The following ZNF276 variants were observed in gnomAD, a reference collection of about 807,000 sequenced individuals.
The protein encoded by ZNF276 is zinc finger protein 276.
ZNF276 carries 59 observed loss-of-function variants against 63.9 expected under a neutral mutation model. That is an observed-to-expected ratio of 0.92 (90% CI 0.75 to 1.15). ZNF276 has a LOEUF of 1.15. ZNF276 is among the 50% of genes most tolerant of loss of function. The pLI is 0.00. For missense variants in ZNF276, 1,084 were observed against 843.8 expected, an observed-to-expected ratio of 1.28 and a Z score of -3.53; for synonymous variants, 496 against 348.4, an observed-to-expected ratio of 1.42 and a Z score of -4.72.
At position 89,738,216 on chromosome 16, in the gene ZNF276, G is replaced by A. The variant is rs17227424; in HGVS notation, c.1815G>A (p.Glu605=). 5.6e-6 allele frequency: 9 copies of A among 1,609,372 alleles called. No individual in the cohort carries two copies. Among genetic ancestry groups the A allele is most frequent in the Non-Finnish European group, 7.6e-6 (9 of 1,178,276 alleles). Residue 605 remains glutamate (E), a synonymous_variant, in exon 11 of 11, where the codon GAG becomes GAA. Transcript: ENST00000443381. ...CACCGAGCCCCTCTGTGACCACAGA[G>A]GGCCAGGCGGTGAAGCCCGAACCCA... ...PGPPSPSVTT[E]GQAVKPEPT is the part of the protein sequence containing the mutation.
chr16:89,722,000 C>T (rs925219326), intron 1 of ZNF276, among the ~76,000 whole-genome samples, 155 bp downstream of exon 1: 2 of 152,084 alleles, frequency 1.3e-5, no homozygotes, highest in Non-Finnish European at 2.9e-5. Context: ...GCTGGGCGGC[C>T]GGCTCGGTTT....
chr16:89,733,193 A>G (rs2061732405), intron 6 of ZNF276, 109 bp from the exon 7 acceptor site: 1 of 1,043,870 alleles, frequency 9.6e-7, no homozygotes, highest in Non-Finnish European at 1.4e-6. Context: ...TCAGCACAGA[A>G]GCAACTCAGG....
chr16:89,730,015 C>G (rs868785621), intron 6 of ZNF276, among the ~76,000 whole-genome samples: 3 of 152,188 alleles, frequency 2.0e-5, no homozygotes, highest in Non-Finnish European at 2.9e-5. Flanking sequence ...CAGCCCAGAA[C>G]AAAGGTCCAG....
At chr16:89,720,760 C>G, upstream of ZNF276, 4 of 1,447,176 alleles carry the variant, frequency 2.8e-6, no homozygotes, top group Non-Finnish European at 3.6e-6. Flanking sequence ...CGCCCCGCCT[C>G]ACCCGGGGCC....
At chr16:89,733,104 C>G in intron 6 of ZNF276, 198 bp from the exon 7 acceptor site, 1 of 608,032 alleles carries the variant, frequency 1.6e-6, no homozygotes, top group Non-Finnish European at 2.9e-6. Flanking sequence ...CGCCCTTGCC[C>G]TCTGCTGTGC....
rs1423559650 is a variant in ZNF276 at position 89,740,784 on chromosome 16, G to A, written c.*2538G>A. ...GCCCACAGTGGGAGAGGACACCTTG[G>A]CTGGTAAGGTCTGACTTACATTTGA... On this transcript the variant is annotated 3_prime_UTR_variant, in exon 11 of 11. Transcript: ENST00000443381. 3 of 1,610,946 alleles carry A rather than the reference G, an allele frequency of 1.9e-6. No individual in the cohort carries two copies. Among genetic ancestry groups the A allele is most frequent in the Non-Finnish European group, 1.7e-6 (2 of 1,177,736 alleles).
chr16:89,739,868 A>T lies in ZNF276; in HGVS notation c.*1622A>T. On this transcript the variant is annotated 3_prime_UTR_variant, in exon 11 of 11. Coordinates refer to ENST00000443381, the MANE Select transcript of ZNF276 (RefSeq NM_001113525.2). Reference sequence around the variant, plus strand: ...AACAAGTTTGTGCTTAATCTGTCCCAACTAAAATGGAGCTTATAAACTTAC... The same window carrying T: ...AACAAGTTTGTGCTTAATCTGTCCCTACTAAAATGGAGCTTATAAACTTAC... 3 of 1,545,608 alleles carry T rather than the reference A, an allele frequency of 1.9e-6. No homozygotes were observed. The highest frequency in any genetic ancestry group is 2.6e-6 in the Non-Finnish European group (3 of 1,148,368).
intron 1 of ZNF276, 51 bp downstream of exon 1, chr16:89,721,896 C>T (rs917691560): frequency 2.0e-5 from 23 of 1,152,274 alleles, no homozygotes; most frequent in Non-Finnish European, 2.5e-5. Context: ...AGGGGTTGCT[C>T]GTGGGAGGAG....
At chr16:89,736,720 G>C (rs1299137057) in intron 9 of ZNF276, among the ~76,000 whole-genome samples, 1 of 144,294 alleles carries the variant, frequency 6.9e-6, no homozygotes, top group Admixed American at 7.4e-5. Context: ...ACTTAAGCCT[G>C]GGAGTTCCAG....
At position 89,739,097 on chromosome 16, in the gene ZNF276, A is replaced by G. The variant is rs1300386846; in HGVS notation, c.*851A>G. The G allele has an allele frequency of 6.2e-7, 1 of 1,613,514 alleles. No homozygotes were observed. ...GCAGAAGGAGCCTCCGGCTGGGGGGAGCTCCCCTGGAGGTGGGACTGGCCC... is the reference window on the plus strand; with the variant it reads ...GCAGAAGGAGCCTCCGGCTGGGGGGGGCTCCCCTGGAGGTGGGACTGGCCC... On this transcript the variant is annotated 3_prime_UTR_variant, in exon 11 of 11. Coordinates refer to ENST00000443381, the MANE Select transcript of ZNF276 (RefSeq NM_001113525.2).
At position 89,724,860 on chromosome 16, in the gene ZNF276, C is replaced by T. The variant is rs79733648; in HGVS notation, c.1006+1151C>T. The stretch of plus-strand genomic sequence containing the variant: ...TATCTATCTTCCTACTTCTTTGTCT[C>T]TCTCTATCTACCTACCTATCTGTAT... On this transcript the variant is annotated intron_variant, in intron 4 of 10. Coordinates refer to ENST00000443381, the MANE Select transcript of ZNF276 (RefSeq NM_001113525.2). 5.1e-3 allele frequency among the ~76,000 whole-genome samples: 771 copies of T among 149,776 alleles called. 5 individuals carry two copies. The highest frequency in any genetic ancestry group is 0.019 in the African/African-American group (742 of 39,340).
At chr16:89,727,445 T>C in intron 5 of ZNF276, 88 bp downstream of exon 5, 1 of 1,433,820 alleles carries the variant, frequency 7.0e-7, no homozygotes, top group Non-Finnish European at 9.6e-7. Context: ...AGAGTGGGTT[T>C]AAACAGCCTA....
Position 89,739,901 on chromosome 16 carries a change from G to C in ZNF276, c.*1655G>C. 2 of 1,577,854 alleles carry C rather than the reference G, an allele frequency of 1.3e-6. No homozygotes were observed. The highest frequency in any genetic ancestry group is 2.3e-5 in the South Asian group (2 of 86,238). ...TGGAGCTTATAAACTTACTTAGCAAGGAACCTCAAGGAGGGCTCGTTCTTA... is the reference window on the plus strand; with the variant it reads ...TGGAGCTTATAAACTTACTTAGCAACGAACCTCAAGGAGGGCTCGTTCTTA... On this transcript the variant is annotated 3_prime_UTR_variant, in exon 11 of 11. Transcript: ENST00000443381.
chr16:89,722,363 C>T (rs1396322277), intron 1 of ZNF276, among the ~76,000 whole-genome samples, 168 bp from the exon 2 acceptor site: 11 of 152,250 alleles, frequency 7.2e-5, no homozygotes, highest in Admixed American at 7.2e-4. Context: ...GGCCACATCC[C>T]CCACAGGGCG....
rs1006529128 is a variant in ZNF276, at chr16:89,740,467, T to G, written c.*2221T>G. Reference sequence around the variant, plus strand: ...CCTGGCAATATGGTGAAACCCCGTCTCTACTAAAAATACAAAAATTAGCCG... The same window carrying G: ...CCTGGCAATATGGTGAAACCCCGTCGCTACTAAAAATACAAAAATTAGCCG... On this transcript the variant is annotated 3_prime_UTR_variant, in exon 11 of 11. Transcript: ENST00000443381. The G allele has an allele frequency of 1.1e-5, 5 of 459,080 alleles. No homozygotes were observed. The highest frequency in any genetic ancestry group is 1.6e-5 in the Non-Finnish European group (4 of 253,434). 28.4% of individuals were successfully genotyped at this position (459,080 alleles called of 1,614,324 possible). A position where few individuals can be genotyped will look rare whatever the true frequency, so the allele number is the denominator to read the frequency against.
At position 89,723,256 on chromosome 16, in the gene ZNF276, G is replaced by T; in HGVS notation, c.557-4G>T. ...GATCTGACATCTCTGTTGACTCTCT[G>T]CAGTGGATCTGATCACATCCAGCCC... On this transcript the variant is annotated splice_polypyrimidine_tract_variant and splice_region_variant and intron_variant, in intron 3 of 10. Coordinates refer to ENST00000443381, the MANE Select transcript of ZNF276 (RefSeq NM_001113525.2). The T allele has an allele frequency of 6.2e-7, 1 of 1,613,154 alleles. No homozygotes were observed. Among genetic ancestry groups the T allele is most frequent in the Non-Finnish European group, 8.5e-7 (1 of 1,180,012 alleles).
chr16:89,720,674 C>T, upstream of ZNF276: 2 of 1,268,892 alleles, frequency 1.6e-6, no homozygotes, highest in South Asian at 2.6e-5. Context: ...AGTCTCCAGC[C>T]CGAGCCGGCC....
In ZNF276 at chr16:89,739,728, G is replaced by T. The variant is rs957457883; in HGVS notation, c.*1482G>T. On this transcript the variant is annotated 3_prime_UTR_variant, in exon 11 of 11. Transcript: ENST00000443381. The stretch of plus-strand genomic sequence containing the variant: ...TACCTGTCAGCAGCTGGGAGAGGAT[G>T]GGGGGGTCGACCTCTTGCAGGAGGG... 2 of 1,494,102 alleles carry T rather than the reference G, an allele frequency of 1.3e-6. No individual in the cohort carries two copies. Among genetic ancestry groups the T allele is most frequent in the South Asian group, 1.3e-5 (1 of 77,200 alleles). The allele number at this position is 1,494,102 out of a possible 1,614,324, so 92.6% of individuals were successfully genotyped here. A position where few individuals can be genotyped will look rare whatever the true frequency, so the allele number is the denominator to read the frequency against.
At chr16:89,736,094 C>T (rs1000953869) in intron 9 of ZNF276, among the ~76,000 whole-genome samples, 2 of 152,028 alleles carry the variant, frequency 1.3e-5, no homozygotes, top group African/African-American at 4.8e-5. Context: ...GGTTTCACCA[C>T]GTTAGTGAGG....
Sources: gnomAD v4.1 joint callset for allele counts (sites outside exome capture counted in the v4.1 genomes callset) on GRCh38, gnomAD v4.1.1 for gene constraint, MANE v1.5 for transcripts, NCBI Gene and HGNC (gene_info 2026-07-23, HGNC 2026-07-21) for gene names.